UBE2W: variants seen among roughly 807,000 people sequenced by gnomAD.
UBE2W encodes the protein ubiquitin conjugating enzyme E2 W, also known as ubiquitin-conjugating enzyme E2 W.
UBE2W carries 18 observed loss-of-function variants against 27.2 expected under a neutral mutation model. That is an observed-to-expected ratio of 0.66 (90% CI 0.46 to 0.98). The LOEUF is 0.98. Among genes scored for constraint, UBE2W ranks in the 50% least tolerant of loss-of-function variants. The pLI, the probability that UBE2W is intolerant of heterozygous loss-of-function variation, is 0.00. For synonymous variants in UBE2W, 53 were observed against 57.2 expected (o/e 0.93, Z 0.33); for missense variants, 90 against 180.2 (o/e 0.50, Z 2.87).
chr8:73,839,641 C>T (rs952914200), intron 1 of UBE2W, among the ~76,000 whole-genome samples: 1 of 150,216 alleles, frequency 6.7e-6, no homozygotes, highest in South Asian at 2.1e-4. Flanking sequence ...TGGGCGACAG[C>T]ACAAGACTCC....
intron 1 of UBE2W, among the ~76,000 whole-genome samples, chr8:73,842,921 A>G (rs1810605815): frequency 1.3e-5 from 2 of 152,220 alleles, no homozygotes; most frequent in African/African-American, 4.8e-5. Flanking sequence ...ATGCCAAAAA[A>G]CAACCCAAAT....
intron 4 of UBE2W, among the ~76,000 whole-genome samples, chr8:73,807,481 G>A (rs1376096724): frequency 6.6e-6 from 1 of 152,154 alleles, no homozygotes; most frequent in Non-Finnish European, 1.5e-5. Flanking sequence ...GCTCTTATGT[G>A]TTAATATTAG....
intron 1 of UBE2W, among the ~76,000 whole-genome samples, chr8:73,842,897 C>A (rs999874804): frequency 7.2e-5 from 11 of 152,114 alleles, no homozygotes; most frequent in Non-Finnish European, 1.5e-4. Flanking sequence ...ACATTCATAG[C>A]AGCATTATTC....
At chr8:73,811,947 A>AG (rs11445122) in intron 3 of UBE2W, among the ~76,000 whole-genome samples, 16,881 of 152,066 alleles carry the variant, frequency 0.11, 2,988 homozygotes, top group African/African-American at 0.38. Flanking sequence ...CCATAAGCTA[A>AG]GTTTTATATA....
chr8:73,818,295 C>T (rs1453477623), intron 3 of UBE2W, among the ~76,000 whole-genome samples: 1 of 152,168 alleles, frequency 6.6e-6, no homozygotes, highest in Non-Finnish European at 1.5e-5. Flanking sequence ...CAAAACATGA[C>T]CACCTTCCAA....
chr8:73,792,037 A>G lies in UBE2W; in HGVS notation c.*2065T>C. 1.0e-6 allele frequency: 1 copy of G among 985,334 alleles called. No homozygotes were observed. Among genetic ancestry groups the G allele is most frequent in the Non-Finnish European group, 1.2e-6 (1 of 829,820 alleles). 61.0% of individuals were successfully genotyped at this position (985,334 alleles called of 1,614,324 possible). A position where few individuals can be genotyped will look rare whatever the true frequency, so the allele number is the denominator to read the frequency against. Reference sequence around the variant, plus strand: ...AAAGCATTTTGGTAAGAGAACCAGCAATATGGAGACAGATTTCTCCCTAAC... The same window carrying G: ...AAAGCATTTTGGTAAGAGAACCAGCGATATGGAGACAGATTTCTCCCTAAC... On this transcript the variant is annotated 3_prime_UTR_variant, in exon 6 of 6. Transcript: ENST00000602593.
chr8:73,866,290 AATATATAT>A (rs71269958), intron 1 of UBE2W, among the ~76,000 whole-genome samples: 21 of 43,090 alleles, frequency 4.9e-4, no homozygotes, highest in African/African-American at 1.8e-3. Flanking sequence ...AAAAAAAAAA[AATATATAT>A]ATATATATAT....
chr8:73,783,632 C>G (rs142153807), downstream of UBE2W, among the ~76,000 whole-genome samples: 45 of 152,308 alleles, frequency 3.0e-4, no homozygotes, highest in East Asian at 8.7e-3. Context: ...TGCTCCCATC[C>G]CCACATCCCC....
intron 2 of UBE2W, 52 bp from the exon 3 acceptor site, chr8:73,825,301 G>A (rs1809790302): frequency 7.3e-7 from 1 of 1,364,924 alleles, no homozygotes. Flanking sequence ...ACTGGGGTAA[G>A]GAGGAGAAAA....
At chr8:73,875,293 ATGAGGTGC>A (rs991613512) in intron 1 of UBE2W, among the ~76,000 whole-genome samples, 39 of 152,256 alleles carry the variant, frequency 2.6e-4, no homozygotes, top group African/African-American at 8.2e-4. Flanking sequence ...CGGGAGTTTC[ATGAGGTGC>A]TGCCTGCCAG....
chr8:73,821,831 T>C (rs1376548836), intron 3 of UBE2W, among the ~76,000 whole-genome samples: 1 of 151,912 alleles, frequency 6.6e-6, no homozygotes, highest in African/African-American at 2.4e-5. Context: ...CAAGACCCCA[T>C]CTCTACAAAA....
chr8:73,827,038 G>A (rs749971330), intron 2 of UBE2W, among the ~76,000 whole-genome samples: 2 of 152,250 alleles, frequency 1.3e-5, no homozygotes, highest in Admixed American at 6.5e-5. Context: ...CTTTCATTCT[G>A]TTTATATGGT....
chr8:73,796,662 G>A (rs1264039165), intron 5 of UBE2W: 2 of 984,786 alleles, frequency 2.0e-6, no homozygotes, highest in African/African-American at 3.5e-5. Context: ...AGATCAACAG[G>A]GACTTGCGGG....
intron 5 of UBE2W, among the ~76,000 whole-genome samples, chr8:73,797,369 T>C (rs1808465381): frequency 6.6e-6 from 1 of 152,180 alleles, no homozygotes; most frequent in Non-Finnish European, 1.5e-5. Flanking sequence ...AAATATTTAG[T>C]TTTGTCTCTC....
At chr8:73,853,750 T>C (rs1001271796) in intron 1 of UBE2W, among the ~76,000 whole-genome samples, 4 of 151,950 alleles carry the variant, frequency 2.6e-5, no homozygotes, top group African/African-American at 9.7e-5. Context: ...CAAATAAACA[T>C]ATTAAAGTAG....
chr8:73,826,378 T>C (rs992786941), intron 2 of UBE2W, among the ~76,000 whole-genome samples: 1 of 152,212 alleles, frequency 6.6e-6, no homozygotes, highest in African/African-American at 2.4e-5. Flanking sequence ...GCTCTGTCAC[T>C]TATAATTCTT....
At chr8:73,833,484 C>T (rs1218921015) in intron 1 of UBE2W, among the ~76,000 whole-genome samples, 5 of 151,876 alleles carry the variant, frequency 3.3e-5, no homozygotes, top group Admixed American at 2.0e-4. Flanking sequence ...TATAGTAGAA[C>T]ATCAGAATAC....
At chr8:73,826,543 C>A (rs768855684) in intron 2 of UBE2W, among the ~76,000 whole-genome samples, 1 of 152,238 alleles carries the variant, frequency 6.6e-6, no homozygotes, top group African/African-American at 2.4e-5. Flanking sequence ...AATAAATGTA[C>A]CTATTCTCTA....
At chr8:73,863,780 G>GA (rs1811627226) in intron 1 of UBE2W, among the ~76,000 whole-genome samples, 1 of 151,778 alleles carries the variant, frequency 6.6e-6, no homozygotes, top group African/African-American at 2.4e-5. Flanking sequence ...GAAGAGCTAA[G>GA]AAAAATGACA....
Sources: gnomAD v4.1 joint callset for allele counts (sites outside exome capture counted in the v4.1 genomes callset) on GRCh38, gnomAD v4.1.1 for gene constraint, MANE v1.5 for transcripts, NCBI Gene and HGNC (gene_info 2026-07-23, HGNC 2026-07-21) for gene names.